The following C10orf90 variants were observed in gnomAD, a reference collection of about 807,000 sequenced individuals.
The protein encoded by C10orf90 is chromosome 10 open reading frame 90, also known as (E2-independent) E3 ubiquitin-conjugating enzyme FATS.
In C10orf90, 56 loss-of-function variants were observed where a neutral mutation model predicts 62.5. The ratio of observed to expected loss-of-function variants is 0.90; its 90% CI spans 0.72 to 1.12. The LOEUF is 1.12. Among genes scored for constraint, C10orf90 ranks in the 50% most tolerant of loss-of-function variants. C10orf90 has a pLI of 0.00. For missense variants in C10orf90, 970 were observed against 880.4 expected (o/e 1.10, Z -1.29); for synonymous variants, 386 against 340.4 (o/e 1.13, Z -1.47).
At chr10:126,539,739 A>G (rs1485434076) in intron 2 of C10orf90, among the ~76,000 whole-genome samples, 2 of 152,332 alleles carry the variant, frequency 1.3e-5, no homozygotes, top group African/African-American at 2.4e-5. Context: ...TTTCCAGCAA[A>G]TAGTTATTAA....
At chr10:126,615,726 T>C (rs1233365880) in intron 2 of C10orf90, among the ~76,000 whole-genome samples, 2 of 152,122 alleles carry the variant, frequency 1.3e-5, no homozygotes, top group East Asian at 3.9e-4. Flanking sequence ...CTAGGAGGGA[T>C]AACACCTATG....
chr10:126,663,571 G>A (rs748101577), intron 1 of C10orf90, among the ~76,000 whole-genome samples: 1 of 152,076 alleles, frequency 6.6e-6, no homozygotes, highest in East Asian at 1.9e-4. Context: ...TTCCATCTCC[G>A]TCTCTCAGCT....
chr10:126,576,385 TAA>T (rs142910244), intron 2 of C10orf90, among the ~76,000 whole-genome samples: 5,168 of 152,062 alleles, frequency 0.034, 294 homozygotes, highest in African/African-American at 0.12. Flanking sequence ...TCACTCTAGT[TAA>T]AATGGCTACT....
chr10:126,470,807 A>G (rs1281209264), intron 4 of C10orf90, among the ~76,000 whole-genome samples: 2 of 152,086 alleles, frequency 1.3e-5, no homozygotes, highest in African/African-American at 4.8e-5. Context: ...AGAGAAGAAA[A>G]GAAAAGAAAA....
At chr10:126,641,237 G>A (rs1424925879) in intron 2 of C10orf90, among the ~76,000 whole-genome samples, 1 of 152,042 alleles carries the variant, frequency 6.6e-6, no homozygotes, top group Admixed American at 6.6e-5. Context: ...CATGACGAAG[G>A]GTATAGGGTT....
intron 1 of C10orf90, among the ~76,000 whole-genome samples, chr10:126,661,363 A>C (rs990455158): frequency 1.3e-5 from 2 of 152,230 alleles, no homozygotes; most frequent in Non-Finnish European, 2.9e-5. Context: ...TATAAGGCAG[A>C]TATTATCATT....
At chr10:126,663,592 G>C (rs942753104) in intron 1 of C10orf90, among the ~76,000 whole-genome samples, 1 of 152,096 alleles carries the variant, frequency 6.6e-6, no homozygotes, top group East Asian at 1.9e-4. Context: ...CTCCTTGCAC[G>C]CAGTGGTCCT....
intron 2 of C10orf90, chr10:126,520,062 T>A (rs1464765424): frequency 6.6e-6 from 1 of 152,236 alleles, no homozygotes; most frequent in Admixed American, 6.5e-5. Context: ...TGGGGCAACA[T>A]CCTCCCCACC....
chr10:126,524,730 C>T (rs955149361), intron 2 of C10orf90: 61 of 985,654 alleles, frequency 6.2e-5, no homozygotes, highest in Admixed American at 2.5e-4. Flanking sequence ...AAGGAGTGCA[C>T]GCACCTGTAT....
intron 6 of C10orf90, among the ~76,000 whole-genome samples, chr10:126,460,946 A>T (rs901247848): frequency 2.3e-4 from 35 of 152,156 alleles, no homozygotes; most frequent in African/African-American, 8.0e-4. Flanking sequence ...AATTGGGAAA[A>T]GATGCCAAAC....
At chr10:126,553,546 A>T (rs1469538324) in intron 2 of C10orf90, among the ~76,000 whole-genome samples, 1 of 152,182 alleles carries the variant, frequency 6.6e-6, no homozygotes, top group Admixed American at 6.5e-5. Context: ...ACATCATAAC[A>T]TCATAGCACA....
chr10:126,538,223 A>C (rs1484960410), intron 2 of C10orf90, among the ~76,000 whole-genome samples: 1 of 152,184 alleles, frequency 6.6e-6, no homozygotes, highest in Non-Finnish European at 1.5e-5. Flanking sequence ...ATCAGATCTT[A>C]TGAGACTTAC....
chr10:126,648,306 G>A (rs946252485), intron 1 of C10orf90, among the ~76,000 whole-genome samples: 1 of 152,144 alleles, frequency 6.6e-6, no homozygotes, highest in Non-Finnish European at 1.5e-5. Context: ...ATTTCAAAAT[G>A]CACAGGAAGG....
At chr10:126,668,723 C>G (rs976014099) in intron 1 of C10orf90, among the ~76,000 whole-genome samples, 2 of 152,124 alleles carry the variant, frequency 1.3e-5, no homozygotes, top group Non-Finnish European at 2.9e-5. Flanking sequence ...GAGGCCCATC[C>G]AGCCCATCAG....
intron 7 of C10orf90, among the ~76,000 whole-genome samples, 158 bp downstream of exon 7, chr10:126,458,882 A>G (rs1328468832): frequency 1.3e-5 from 2 of 152,212 alleles, no homozygotes; most frequent in Non-Finnish European, 2.9e-5. Flanking sequence ...CTCCAAGAAC[A>G]GGATTTATGA....
chr10:126,660,366 A>G (rs1846484587), intron 1 of C10orf90, among the ~76,000 whole-genome samples: 1 of 152,228 alleles, frequency 6.6e-6, no homozygotes, highest in African/African-American at 2.4e-5. Context: ...AGTCAGAGAG[A>G]TTCAAAGTAG....
intron 2 of C10orf90, among the ~76,000 whole-genome samples, chr10:126,572,874 A>T (rs1844535614): frequency 6.6e-6 from 1 of 152,044 alleles, no homozygotes; most frequent in African/African-American, 2.4e-5. Flanking sequence ...GTTACCCAAT[A>T]TGGTCTTCAA....
At chr10:126,548,918 G>C (rs1431662118) in intron 2 of C10orf90, among the ~76,000 whole-genome samples, 1 of 152,100 alleles carries the variant, frequency 6.6e-6, no homozygotes, top group African/African-American at 2.4e-5. Context: ...CAATTCAATG[G>C]AGGAAAGCTA....
At chr10:126,454,713 T>A (rs1015016762) in intron 7 of C10orf90, among the ~76,000 whole-genome samples, 1 of 152,126 alleles carries the variant, frequency 6.6e-6, no homozygotes, top group Admixed American at 6.5e-5. Flanking sequence ...TAGCCTATCC[T>A]GCTCTGGATT....
Sources: allele counts gnomAD v4.1 joint callset (sites outside exome capture counted in the v4.1 genomes callset), GRCh38; gene constraint gnomAD v4.1.1; transcripts MANE v1.5; gene names NCBI Gene and HGNC (gene_info 2026-07-23, HGNC 2026-07-21).